Variants in CDH20 observed in about 807,000 individuals in gnomAD.
CDH20 encodes the protein cadherin 20, also known as cadherin-20.
A neutral mutation model predicts 74.2 loss-of-function variants in CDH20; 29 were observed. The observed-to-expected ratio is 0.39, with a 90% CI of 0.29 to 0.53. CDH20 has a LOEUF of 0.53. CDH20 is among the 20% of genes least tolerant of loss of function. The pLI, the probability that CDH20 is intolerant of heterozygous loss-of-function variation, is 0.69. For synonymous variants in CDH20, 469 were observed against 405.4 expected (o/e 1.16, Z -1.88); for missense variants, 988 against 1,048.3 (o/e 0.94, Z 0.79).
At chr18:61,415,288 A>C (rs1342446353) in intron 1 of CDH20, among the ~76,000 whole-genome samples, 2 of 152,154 alleles carry the variant, frequency 1.3e-5, no homozygotes, top group African/African-American at 4.8e-5. Flanking sequence ...GTCATTTTAC[A>C]AATAATTTAT....
chr18:61,483,736 A>G (rs1055733079), intron 1 of CDH20, among the ~76,000 whole-genome samples: 4 of 152,214 alleles, frequency 2.6e-5, no homozygotes, highest in African/African-American at 9.6e-5. Context: ...ACCATCTCTC[A>G]AATGTCTAAG....
intron 1 of CDH20, among the ~76,000 whole-genome samples, chr18:61,446,995 A>C (rs559758783): frequency 1.3e-5 from 2 of 152,360 alleles, no homozygotes; most frequent in East Asian, 3.9e-4. Context: ...TTCAATCTGC[A>C]CAGGAGTATC....
At position 61,549,870 on chromosome 18, in the gene CDH20, G is replaced by A. The variant is rs562691259; in HGVS notation, c.1649-108G>A. The A allele has an allele frequency of 1.6e-4, 181 of 1,166,334 alleles. No individual in the cohort carries two copies. The African/African-American group carries it at 2.5e-3, about 16-fold the overall frequency. The allele number at this position is 1,166,334 out of a possible 1,614,324, so 72.2% of individuals were successfully genotyped here. ...GGTTGACCACTACCAGGGAATATCT[G>A]ACTATCCTCTTTCCTTCCTACACCC... On this transcript the variant is annotated intron_variant, in intron 10 of 11. Transcript: ENST00000262717.
At chr18:61,477,591 G>A (rs560829001) in intron 1 of CDH20, among the ~76,000 whole-genome samples, 1 of 152,110 alleles carries the variant, frequency 6.6e-6, no homozygotes, top group Non-Finnish European at 1.5e-5. Flanking sequence ...CGATGCATGA[G>A]TATGTCATAA....
chr18:61,519,529 C>A (rs913155489), intron 6 of CDH20, among the ~76,000 whole-genome samples: 1 of 151,226 alleles, frequency 6.6e-6, no homozygotes, highest in African/African-American at 2.5e-5. Context: ...CTAAGCTTCA[C>A]AAGTGAAGGA....
chr18:61,431,999 T>A (rs1002597479), intron 1 of CDH20, among the ~76,000 whole-genome samples: 1 of 151,936 alleles, frequency 6.6e-6, no homozygotes, highest in African/African-American at 2.4e-5. Flanking sequence ...CACTTTGGGA[T>A]GTCGAGGCGG....
chr18:61,359,194 T>C (rs978707700), intron 1 of CDH20, among the ~76,000 whole-genome samples: 1 of 152,146 alleles, frequency 6.6e-6, no homozygotes, highest in African/African-American at 2.4e-5. Flanking sequence ...AATGTGATGT[T>C]CCTTATTCCA....
In CDH20 at chr18:61,370,667, C is replaced by T. The variant is rs557974870; in HGVS notation, c.-153+36840C>T. Among the ~76,000 whole-genome samples, 8 of 152,044 alleles carry T rather than the reference C, an allele frequency of 5.3e-5. No individual in the cohort carries two copies. The East Asian group carries it at 5.8e-4, about 11-fold the overall frequency. On this transcript the variant is annotated intron_variant, in intron 1 of 11. Transcript: ENST00000262717. ...GTGATAGCACTTAAAATGTACCCTC[C>T]GCAAATTTCAAGTATACAACACAGG... is the stretch of plus-strand genomic sequence containing the variant.
intron 1 of CDH20, among the ~76,000 whole-genome samples, chr18:61,405,903 A>G (rs1298141216): frequency 1.3e-5 from 2 of 152,184 alleles, no homozygotes; most frequent in Non-Finnish European, 2.9e-5. Flanking sequence ...CACTGTCTCA[A>G]CGGTCTTGCA....
chr18:61,553,369 T>C (rs969437332), intron 11 of CDH20, among the ~76,000 whole-genome samples: 1 of 152,318 alleles, frequency 6.6e-6, no homozygotes. Flanking sequence ...CTATCTCTCC[T>C]TTAAACCCCA....
intron 6 of CDH20, among the ~76,000 whole-genome samples, chr18:61,515,095 C>A (rs1911942177): frequency 6.6e-6 from 1 of 152,292 alleles, no homozygotes; most frequent in Non-Finnish European, 1.5e-5. Flanking sequence ...GCCCCTCCCC[C>A]AGACTCGCTG....
rs747584789 is a variant in CDH20 at position 61,536,610 on chromosome 18, T to A, written c.1389T>A (p.Thr463=). 5 of 1,613,980 alleles carry A rather than the reference T, an allele frequency of 3.1e-6. No homozygotes were observed. The South Asian group carries it at 5.5e-5, about 18-fold the overall frequency. ...AAGAATTTTCTTGGCATAATATCAC[T>A]GTCCTTGCTATGGAAATGAGTAAGT... is the stretch of plus-strand genomic sequence containing the variant. ...DREEFSWHNI[T]VLAMEMNNPS... is the part of the protein sequence containing the mutation. The change falls in exon 8 of 12, where the codon ACT becomes ACA. Residue 463 remains threonine (T), a synonymous_variant. Transcript: ENST00000262717.
chr18:61,372,443 C>G (rs1013995393), intron 1 of CDH20, among the ~76,000 whole-genome samples: 6 of 152,046 alleles, frequency 3.9e-5, no homozygotes, highest in African/African-American at 1.4e-4. Context: ...TCAGGAAATA[C>G]TTTATCAGAA....
At chr18:61,444,648 C>A (rs1249514252) in intron 1 of CDH20, among the ~76,000 whole-genome samples, 2 of 152,146 alleles carry the variant, frequency 1.3e-5, no homozygotes, top group Non-Finnish European at 2.9e-5. Flanking sequence ...AGGTGCAAGT[C>A]CTGTGCAAGT....
chr18:61,467,323 A>G (rs2099744874), intron 1 of CDH20, among the ~76,000 whole-genome samples: 1 of 152,148 alleles, frequency 6.6e-6, no homozygotes, highest in South Asian at 2.1e-4. Context: ...TGAGAATCTG[A>G]CAATTTCCAC....
intron 6 of CDH20, among the ~76,000 whole-genome samples, chr18:61,519,100 C>T (rs1475925508): frequency 2.6e-5 from 4 of 151,124 alleles, no homozygotes; most frequent in Non-Finnish European, 4.4e-5. Context: ...TGAACAAAGC[C>T]TCCAAGAAAT....
intron 6 of CDH20, among the ~76,000 whole-genome samples, chr18:61,520,116 A>G (rs1912144771): frequency 6.6e-6 from 1 of 150,602 alleles, no homozygotes; most frequent in African/African-American, 2.5e-5. Flanking sequence ...GGAGATCAAG[A>G]CCATCCTGGC....
chr18:61,452,106 A>T (rs1909410631), intron 1 of CDH20, among the ~76,000 whole-genome samples: 1 of 151,912 alleles, frequency 6.6e-6, no homozygotes, highest in Non-Finnish European at 1.5e-5. Context: ...AAAACAAAAA[A>T]CACCCCCTCC....
intron 3 of CDH20, among the ~76,000 whole-genome samples, chr18:61,500,027 C>G (rs762339121): frequency 7.0e-6 from 1 of 142,812 alleles, no homozygotes; most frequent in Admixed American, 7.4e-5. Flanking sequence ...TCACTTGAAC[C>G]CGGGAGGTGG....
Sources: allele counts gnomAD v4.1 joint callset (sites outside exome capture counted in the v4.1 genomes callset), GRCh38; gene constraint gnomAD v4.1.1; transcripts MANE v1.5; gene names NCBI Gene and HGNC (gene_info 2026-07-23, HGNC 2026-07-21).